The following PLCB1 variants were observed in gnomAD, a reference collection of about 807,000 sequenced individuals.
PLCB1 encodes the protein 1-phosphatidylinositol 4,5-bisphosphate phosphodiesterase beta-1.
In PLCB1, 46 loss-of-function variants were observed where a neutral mutation model predicts 161.8. The ratio of observed to expected loss-of-function variants is 0.28; its 90% CI spans 0.22 to 0.36. PLCB1 has a LOEUF of 0.36. Among genes scored for constraint, PLCB1 ranks in the 10% least tolerant of loss-of-function variants. The pLI, the probability that PLCB1 is intolerant of heterozygous loss-of-function variation, is 1.00. For synonymous variants in PLCB1, 517 were observed against 503.7 expected (o/e 1.03, Z -0.35); for missense variants, 1,016 against 1,472.5 (o/e 0.69, Z 5.07).
intron 3 of PLCB1, among the ~76,000 whole-genome samples, chr20:8,565,665 A>C (rs562685124): frequency 1.3e-5 from 2 of 152,220 alleles, no homozygotes; most frequent in East Asian, 3.9e-4. Flanking sequence ...ACCAGCTAGA[A>C]GACTGGAGTA....
intron 31 of PLCB1, among the ~76,000 whole-genome samples, chr20:8,837,874 G>A (rs1986348784): frequency 1.3e-5 from 2 of 152,296 alleles, no homozygotes; most frequent in Admixed American, 6.5e-5. Context: ...GGGGCCAAGT[G>A]GCAGCACTCG....
chr20:8,801,000 C>T (rs1389302283), intron 31 of PLCB1, among the ~76,000 whole-genome samples: 1 of 152,148 alleles, frequency 6.6e-6, no homozygotes, highest in East Asian at 1.9e-4. Flanking sequence ...ACATGTCACC[C>T]AGAGGCATCC....
chr20:8,788,835 C>T, intron 29 of PLCB1, 113 bp downstream of exon 29: 1 of 666,936 alleles, frequency 1.5e-6, no homozygotes, highest in Non-Finnish European at 2.6e-6. Flanking sequence ...AGTTTCTCCT[C>T]TAGTCAGCCT....
chr20:8,136,574 C>T (rs372722314), intron 1 of PLCB1, among the ~76,000 whole-genome samples: 1 of 150,186 alleles, frequency 6.7e-6, no homozygotes, highest in East Asian at 2.0e-4. Context: ...TGCAGTGAGC[C>T]GAGATCGCGC....
At chr20:8,817,997 A>G (rs1427807488) in intron 31 of PLCB1, among the ~76,000 whole-genome samples, 5 of 152,222 alleles carry the variant, frequency 3.3e-5, no homozygotes, top group Non-Finnish European at 7.3e-5. Flanking sequence ...AGTGATCTAT[A>G]TAATTAGCAA....
At chr20:8,557,516 G>A (rs1235922531) in intron 3 of PLCB1, among the ~76,000 whole-genome samples, 1 of 151,972 alleles carries the variant, frequency 6.6e-6, no homozygotes, top group African/African-American at 2.4e-5. Flanking sequence ...AGGCAGAGTG[G>A]CAGTTGCCAG....
At chr20:8,378,924 C>G (rs1177768170) in intron 3 of PLCB1, among the ~76,000 whole-genome samples, 1 of 152,146 alleles carries the variant, frequency 6.6e-6, no homozygotes, top group Non-Finnish European at 1.5e-5. Flanking sequence ...TAAAAGTAAC[C>G]CCTTGTCTGT....
At chr20:8,317,935 G>T (rs959448822) in intron 2 of PLCB1, among the ~76,000 whole-genome samples, 3 of 150,168 alleles carry the variant, frequency 2.0e-5, no homozygotes, top group Non-Finnish European at 4.4e-5. Flanking sequence ...TTTCTCCTGG[G>T]CACTACTGGC....
At chr20:8,180,287 A>T (rs184977576) in intron 2 of PLCB1, among the ~76,000 whole-genome samples, 56 of 152,338 alleles carry the variant, frequency 3.7e-4, no homozygotes, top group African/African-American at 1.3e-3. Context: ...CCAATTTTGC[A>T]TCCCAGGGAT....
At position 8,409,694 on chromosome 20, in the gene PLCB1, C is replaced by T. The variant is rs1321333189; in HGVS notation, c.246+38244C>T. Reference sequence around the variant, plus strand: ...GCCAGGCTGGTCCCAAACTCCTGACCTCAGGTGATCCACCCACCTCAGCCT... The same window carrying T: ...GCCAGGCTGGTCCCAAACTCCTGACTTCAGGTGATCCACCCACCTCAGCCT... On this transcript the variant is annotated intron_variant, in intron 3 of 31. Coordinates refer to ENST00000338037, the MANE Select transcript of PLCB1 (RefSeq NM_015192.4). Among the ~76,000 whole-genome samples, 7 of 152,106 alleles carry T rather than the reference C, an allele frequency of 4.6e-5. No individual in the cohort carries two copies. In the East Asian group the frequency reaches 9.6e-4, roughly 21 times the overall value.
At chr20:8,380,021 G>A (rs533991979) in intron 3 of PLCB1, among the ~76,000 whole-genome samples, 63 of 152,276 alleles carry the variant, frequency 4.1e-4, no homozygotes, top group African/African-American at 1.5e-3. Context: ...TGGCATATTT[G>A]TCATGAAGTC....
chr20:8,549,627 C>G (rs749483200), intron 3 of PLCB1, among the ~76,000 whole-genome samples: 49 of 152,222 alleles, frequency 3.2e-4, no homozygotes, highest in Non-Finnish European at 7.1e-4. Context: ...ACAGAGTCTC[C>G]CCTGTCACCC....
At chr20:8,267,477 G>T (rs1231855078) in intron 2 of PLCB1, among the ~76,000 whole-genome samples, 1 of 152,104 alleles carries the variant, frequency 6.6e-6, no homozygotes, top group African/African-American at 2.4e-5. Context: ...TGAGGCCACA[G>T]CCTTACTCAG....
At chr20:8,168,845 G>T (rs2051703330) in intron 2 of PLCB1, among the ~76,000 whole-genome samples, 1 of 151,912 alleles carries the variant, frequency 6.6e-6, no homozygotes, top group Non-Finnish European at 1.5e-5. Flanking sequence ...TAAACTTTGG[G>T]ATTCTTTACT....
chr20:8,560,462 A>T (rs1482356299), intron 3 of PLCB1, among the ~76,000 whole-genome samples: 4 of 151,692 alleles, frequency 2.6e-5, no homozygotes, highest in African/African-American at 9.7e-5. Context: ...AAAGGTTTTA[A>T]AAAAAAATAC....
At chr20:8,531,366 G>T (rs1472064844) in intron 3 of PLCB1, among the ~76,000 whole-genome samples, 1 of 152,002 alleles carries the variant, frequency 6.6e-6, no homozygotes, top group African/African-American at 2.4e-5. Context: ...TTTGATTCTA[G>T]TCCAAACCAA....
At position 8,369,983 on chromosome 20, in the gene PLCB1, T is replaced by C. The variant is rs557720022; in HGVS notation, c.178-1399T>C. Among the ~76,000 whole-genome samples, 13 of 152,310 alleles carry C rather than the reference T, an allele frequency of 8.5e-5. No homozygotes were observed. In the South Asian group the frequency reaches 2.5e-3, roughly 29 times the overall value. On this transcript the variant is annotated intron_variant, in intron 2 of 31. Coordinates refer to ENST00000338037, the MANE Select transcript of PLCB1 (RefSeq NM_015192.4). ...AACTGGCAGCAGCTGTTTGAAGAAG[T>C]TGACTAAGAGCAAAAGGTGCTGGTT...
chr20:8,324,006 G>T (rs1042617342), intron 2 of PLCB1, among the ~76,000 whole-genome samples: 1 of 152,110 alleles, frequency 6.6e-6, no homozygotes, highest in Non-Finnish European at 1.5e-5. Context: ...AGATTTAGAA[G>T]TATGATGTTG....
intron 10 of PLCB1, among the ~76,000 whole-genome samples, chr20:8,694,108 T>C (rs1990536765): frequency 6.6e-6 from 1 of 152,174 alleles, no homozygotes; most frequent in Non-Finnish European, 1.5e-5. Flanking sequence ...GTAGATGAGA[T>C]GTAATAATGA....
Sources: allele counts gnomAD v4.1 joint callset (sites outside exome capture counted in the v4.1 genomes callset), GRCh38; gene constraint gnomAD v4.1.1; transcripts MANE v1.5; gene names NCBI Gene and HGNC (gene_info 2026-07-23, HGNC 2026-07-21).